The following PPP4R3A variants were observed in gnomAD, a reference collection of about 807,000 sequenced individuals.
PPP4R3A encodes protein phosphatase 4 regulatory subunit 3A.
PPP4R3A carries 15 observed loss-of-function variants against 91.7 expected under a neutral mutation model. That is an observed-to-expected ratio of 0.16 (90% CI 0.11 to 0.25). The LOEUF is 0.25. PPP4R3A is among the 10% of genes least tolerant of loss of function. PPP4R3A has a pLI of 1.00. For missense variants in PPP4R3A, 623 were observed against 998.4 expected, an observed-to-expected ratio of 0.62 and a Z score of 5.07; for synonymous variants, 377 against 348.7, an observed-to-expected ratio of 1.08 and a Z score of -0.91.
intron 10 of PPP4R3A, among the ~76,000 whole-genome samples, chr14:91,470,180 A>G (rs2140086683): frequency 6.6e-6 from 1 of 152,308 alleles, no homozygotes; most frequent in South Asian, 2.1e-4. Context: ...AGTAAGGACC[A>G]CTTACATATG....
intron 1 of PPP4R3A, among the ~76,000 whole-genome samples, chr14:91,498,638 G>A (rs959201348): frequency 1.3e-5 from 2 of 151,440 alleles, no homozygotes; most frequent in Admixed American, 6.6e-5. Flanking sequence ...TTTTTGGCTG[G>A]GCGCAGTGGC....
chr14:91,460,765 C>A (rs1022407720), intron 14 of PPP4R3A, among the ~76,000 whole-genome samples: 1 of 150,732 alleles, frequency 6.6e-6, no homozygotes. Context: ...GGACTACAGG[C>A]GCCCGCCACC....
At chr14:91,509,181 C>G (rs966155866) in intron 1 of PPP4R3A, among the ~76,000 whole-genome samples, 2 of 152,198 alleles carry the variant, frequency 1.3e-5, no homozygotes, top group African/African-American at 4.8e-5. Context: ...CTCAAGGTCA[C>G]TCTAGTGCAA....
At position 91,461,475 on chromosome 14, in the gene PPP4R3A, G is replaced by C; in HGVS notation, c.2297C>G (p.Pro766Arg). 1 of 1,614,206 alleles carries C rather than the reference G, an allele frequency of 6.2e-7. No homozygotes were observed. Among genetic ancestry groups the C allele is most frequent in the Non-Finnish European group, 8.5e-7 (1 of 1,180,040 alleles). Residue 766 changes from proline (P) to arginine (R), a missense_variant, in exon 14 of 15, where the codon CCT becomes CGT. Around this residue, in one of 5 missense-constraint regions of PPP4R3A, gnomAD observed 201 missense variants for 229.9 expected, o/e 0.87. Coordinates refer to ENST00000554943, the MANE Select transcript of PPP4R3A (RefSeq NM_001366432.2). ...GGATCCAGGTGATCCCGGAGAACCA[G>C]GCAGATTTGTTGTAGATGACTGGCT... The part of the protein sequence containing the change: ...LTSQSSTTNL[P>R]GSPGSPGSPG...
At chr14:91,504,492 CTCGTAA>C (rs1891160646) in intron 1 of PPP4R3A, among the ~76,000 whole-genome samples, 1 of 151,708 alleles carries the variant, frequency 6.6e-6, no homozygotes, top group Non-Finnish European at 1.5e-5. Flanking sequence ...ATGTCAGCTA[CTCGTAA>C]GGCTGAGGCG....
intron 11 of PPP4R3A, among the ~76,000 whole-genome samples, chr14:91,463,390 G>A (rs1292193200): frequency 6.6e-6 from 1 of 151,894 alleles, no homozygotes; most frequent in Non-Finnish European, 1.5e-5. Context: ...CAAAGTAAAT[G>A]CCCAGGTCTT....
At chr14:91,500,858 CCT>C (rs533734846) in intron 1 of PPP4R3A, among the ~76,000 whole-genome samples, 5 of 151,978 alleles carry the variant, frequency 3.3e-5, no homozygotes, top group Admixed American at 6.6e-5. Context: ...CATGGCAAAC[CCT>C]GTCTCTACAA....
At chr14:91,497,339 T>C (rs1370993845) in intron 1 of PPP4R3A, among the ~76,000 whole-genome samples, 2 of 78,378 alleles carry the variant, frequency 2.6e-5, no homozygotes, top group Non-Finnish European at 5.0e-5. Context: ...GAATCTTTTA[T>C]TTACACACAC....
At chr14:91,501,098 T>A (rs1890917292) in intron 1 of PPP4R3A, among the ~76,000 whole-genome samples, 1 of 152,148 alleles carries the variant, frequency 6.6e-6, no homozygotes, top group African/African-American at 2.4e-5. Flanking sequence ...ATCTGGAAAA[T>A]TCACTTGTTT....
chr14:91,459,381 C>T (rs1166315153), intron 14 of PPP4R3A, among the ~76,000 whole-genome samples: 1 of 151,940 alleles, frequency 6.6e-6, no homozygotes, highest in Admixed American at 6.6e-5. Flanking sequence ...GCTGGGATTA[C>T]AGGCATGAGC....
At chr14:91,497,109 A>G (rs536031843) in intron 1 of PPP4R3A, among the ~76,000 whole-genome samples, 1 of 152,242 alleles carries the variant, frequency 6.6e-6, no homozygotes, top group Non-Finnish European at 1.5e-5. Flanking sequence ...GGTAGCAGAG[A>G]TGACAGGCGA....
rs998610012 is a variant in PPP4R3A, at chr14:91,487,031, G to A, written c.199-1301C>T. On this transcript the variant is annotated intron_variant, in intron 2 of 14. Coordinates refer to ENST00000554943, the MANE Select transcript of PPP4R3A (RefSeq NM_001366432.2). ...GGAGGCCAAGGCAGGCGGATCACCTGAGGTCAGGAGTTCAAGACCAGCCTG... is the reference window on the plus strand; with the variant it reads ...GGAGGCCAAGGCAGGCGGATCACCTAAGGTCAGGAGTTCAAGACCAGCCTG... 2.0e-5 allele frequency among the ~76,000 whole-genome samples: 3 copies of A among 151,762 alleles called. No individual in the cohort carries two copies. The East Asian group carries it at 5.8e-4, about 29-fold the overall frequency.
chr14:91,469,116 TAAAA>T (rs34445337), intron 10 of PPP4R3A, among the ~76,000 whole-genome samples: 41 of 133,158 alleles, frequency 3.1e-4, no homozygotes, highest in Admixed American at 5.3e-4. Flanking sequence ...ATTTTTTCTG[TAAAA>T]AAAAAAAAAA....
intron 1 of PPP4R3A, 89 bp from the exon 2 acceptor site, chr14:91,490,891 AT>A (rs374882900): frequency 0.13 from 71,675 of 569,716 alleles, 7,143 homozygotes; most frequent in Admixed American, 0.15. Flanking sequence ...CTTAAAAAAA[AT>A]AATAATAATT....
rs1442951795 is a variant in PPP4R3A, at chr14:91,509,666, G to C, written c.-19C>G. On this transcript the variant is annotated 5_prime_UTR_variant, in exon 1 of 15. Coordinates refer to ENST00000554943, the MANE Select transcript of PPP4R3A (RefSeq NM_001366432.2). ...CGGTCATCGTGCCGCCCGGGAACCG[G>C]GGCGGGGGCCCCGCCAGTAGACGCC... 3 of 1,589,632 alleles carry C rather than the reference G, an allele frequency of 1.9e-6. No homozygotes were observed. Among genetic ancestry groups the C allele is most frequent in the South Asian group, 2.2e-5 (2 of 89,984 alleles).
intron 13 of PPP4R3A, 36 bp from the exon 14 acceptor site, chr14:91,461,643 TAC>T (rs1301198979): frequency 2.2e-5 from 35 of 1,582,878 alleles, no homozygotes; most frequent in Non-Finnish European, 2.9e-5. Flanking sequence ...TCGTCCCCCA[TAC>T]TTCTTTTTTA....
In PPP4R3A at chr14:91,458,351, T is replaced by TG. The variant is rs1251976550; in HGVS notation, c.*407dup. 3 of 241,382 alleles carry TG rather than the reference T, an allele frequency of 1.2e-5. No homozygotes were observed. Among genetic ancestry groups the TG allele is most frequent in the Non-Finnish European group, 2.5e-5 (3 of 121,098 alleles). 15.0% of individuals were successfully genotyped at this position (241,382 alleles called of 1,614,324 possible). Reference sequence around the variant, plus strand: ...AGGTCTCTTTATACAAAGAAACTGCTGGCATTCTTGACTAGTGAAGAATTA... The same window carrying TG: ...AGGTCTCTTTATACAAAGAAACTGCTGGGCATTCTTGACTAGTGAAGAATTA... On this transcript the variant is annotated 3_prime_UTR_variant, in exon 15 of 15. Coordinates refer to ENST00000554943, the MANE Select transcript of PPP4R3A (RefSeq NM_001366432.2).
At chr14:91,506,354 A>G (rs1433467594) in intron 1 of PPP4R3A, among the ~76,000 whole-genome samples, 1 of 152,232 alleles carries the variant, frequency 6.6e-6, no homozygotes, top group Non-Finnish European at 1.5e-5. Flanking sequence ...TAATATGGTT[A>G]ATAGCACTAA....
rs1887922077 is a variant in PPP4R3A at position 91,458,698 on chromosome 14, T to C, written c.*61A>G. 6.2e-7 allele frequency: 1 copy of C among 1,612,680 alleles called. No individual in the cohort carries two copies. The highest frequency in any genetic ancestry group is 1.7e-5 in the Admixed American group (1 of 60,010). On this transcript the variant is annotated 3_prime_UTR_variant, in exon 15 of 15. Coordinates refer to ENST00000554943, the MANE Select transcript of PPP4R3A (RefSeq NM_001366432.2). The stretch of plus-strand genomic sequence containing the variant: ...ACTGCGCTTTGTTGTGGATTTTGTA[T>C]GGGGGAGGGGTGGAGAACCAGTTTT...
Sources: allele counts gnomAD v4.1 joint callset (sites outside exome capture counted in the v4.1 genomes callset), GRCh38; gene constraint gnomAD v4.1.1; regional missense constraint gnomAD v4.1.1; transcripts MANE v1.5; gene names NCBI Gene and HGNC (gene_info 2026-07-23, HGNC 2026-07-21).